Variants in DCC observed in about 807,000 individuals in gnomAD.
DCC encodes the protein DCC netrin 1 receptor.
DCC carries 58 observed loss-of-function variants against 172.5 expected under a neutral mutation model. The ratio of observed to expected loss-of-function variants is 0.34; its 90% CI spans 0.27 to 0.42. DCC has a LOEUF of 0.42. Ranked by LOEUF, DCC falls within the 10% of genes least tolerant of loss-of-function variation. The pLI, the probability that DCC is intolerant of heterozygous loss-of-function variation, is 1.00. For synonymous variants in DCC, 709 were observed against 644.5 expected (o/e 1.10, Z -1.52); for missense variants, 1,740 against 1,791.0 (o/e 0.97, Z 0.51).
At chr18:52,467,059 T>A (rs913189314) in intron 1 of DCC, among the ~76,000 whole-genome samples, 9 of 151,436 alleles carry the variant, frequency 5.9e-5, no homozygotes, top group Non-Finnish European at 8.8e-5. Flanking sequence ...AAAAAATATA[T>A]ATATATATTT....
intron 5 of DCC, among the ~76,000 whole-genome samples, chr18:52,970,175 A>C (rs931790328): frequency 6.6e-6 from 1 of 152,116 alleles, no homozygotes; most frequent in Non-Finnish European, 1.5e-5. Context: ...CTGTTTTACT[A>C]TTAGGAATAG....
intron 1 of DCC, among the ~76,000 whole-genome samples, chr18:52,536,122 T>C (rs1185952530): frequency 6.6e-6 from 1 of 151,762 alleles, no homozygotes; most frequent in Non-Finnish European, 1.5e-5. Flanking sequence ...GGCTAGAAAG[T>C]AGAGGAAGGG....
chr18:53,528,173 T>A (rs1484138780), intron 28 of DCC, among the ~76,000 whole-genome samples: 1 of 152,146 alleles, frequency 6.6e-6, no homozygotes. Flanking sequence ...AAACAAAGAA[T>A]CATTTCATTT....
At chr18:53,115,843 T>C (rs1477151552) in intron 7 of DCC, among the ~76,000 whole-genome samples, 11 of 151,670 alleles carry the variant, frequency 7.3e-5, no homozygotes, top group African/African-American at 2.7e-4. Flanking sequence ...AAAAATTTTC[T>C]TTAAGACGAA....
chr18:52,558,707 T>C (rs1459088540), intron 1 of DCC, among the ~76,000 whole-genome samples: 1 of 152,140 alleles, frequency 6.6e-6, no homozygotes, highest in African/African-American at 2.4e-5. Context: ...TCCTCAGTCC[T>C]GGATTAATTA....
Position 52,824,071 on chromosome 18 carries a change from G to A in DCC, c.412+71697G>A, listed in dbSNP as rs79454078. ...CAGAAAGGGTGAATTGCAACTCCAT[G>A]GCCAGTTGGTATCTTTCCATTTAAA... On this transcript the variant is annotated intron_variant, in intron 2 of 28. Transcript: ENST00000442544. 2.7e-4 allele frequency among the ~76,000 whole-genome samples: 41 copies of A among 152,254 alleles called. 1 individual carries two copies. The East Asian group carries it at 7.7e-3, about 29-fold the overall frequency.
In DCC at chr18:52,975,155, G is replaced by A. The variant is rs190632234; in HGVS notation, c.985+49785G>A. Among the ~76,000 whole-genome samples the A allele has an allele frequency of 1.2e-4, 19 of 152,106 alleles. 1 individual carries two copies. The highest frequency in any genetic ancestry group is 3.4e-3 in the Middle Eastern group (1 of 294). On this transcript the variant is annotated intron_variant, in intron 5 of 28. Transcript: ENST00000442544. ...TAGAACATCACAAACTAGTAACCTC[G>A]ACCACATATAATTATCTTTTTACAG...
chr18:52,832,859 A>C (rs1174944099), intron 2 of DCC, among the ~76,000 whole-genome samples: 1 of 152,142 alleles, frequency 6.6e-6, no homozygotes, highest in Non-Finnish European at 1.5e-5. Flanking sequence ...TGTAGTAAGC[A>C]AGGCTAACTG....
intron 2 of DCC, among the ~76,000 whole-genome samples, chr18:52,851,190 A>G (rs1373974245): frequency 1.3e-5 from 2 of 152,094 alleles, no homozygotes; most frequent in Non-Finnish European, 2.9e-5. Flanking sequence ...GAAACTTACA[A>G]TATTTTTAGC....
At chr18:52,723,666 C>T (rs368713326) in intron 1 of DCC, among the ~76,000 whole-genome samples, 25 of 152,258 alleles carry the variant, frequency 1.6e-4, no homozygotes, top group African/African-American at 5.1e-4. Flanking sequence ...TTGGAATGTT[C>T]TGTCTGAGGC....
chr18:53,005,795 A>T (rs537156700), intron 5 of DCC, among the ~76,000 whole-genome samples: 5 of 152,286 alleles, frequency 3.3e-5, no homozygotes, highest in Admixed American at 2.0e-4. Flanking sequence ...GTTATTTTTC[A>T]TCCCTATCAT....
rs554677419 is a variant in DCC, at chr18:53,285,565, C to T, written c.1912-20013C>T. The stretch of plus-strand genomic sequence containing the variant: ...AAGTTTGCTGCAGGGGCACGACCCT[C>T]GTGGAGAACCTCTGCTAGGGCAGTG... On this transcript the variant is annotated intron_variant, in intron 12 of 28. Coordinates refer to ENST00000442544, the MANE Select transcript of DCC (RefSeq NM_005215.4). Among the ~76,000 whole-genome samples, 22 of 152,346 alleles carry T rather than the reference C, an allele frequency of 1.4e-4. No homozygotes were observed. The East Asian group carries it at 1.5e-3, about 11-fold the overall frequency.
chr18:53,020,150 T>A (rs1003131581), intron 5 of DCC, among the ~76,000 whole-genome samples: 6 of 152,260 alleles, frequency 3.9e-5, no homozygotes, highest in African/African-American at 1.4e-4. Flanking sequence ...CTAACCCTTC[T>A]ACCTTTTAAA....
At chr18:53,361,837 A>T (rs2144933640) in intron 15 of DCC, among the ~76,000 whole-genome samples, 1 of 152,242 alleles carries the variant, frequency 6.6e-6, no homozygotes, top group African/African-American at 2.4e-5. Context: ...TATTTTTTTT[A>T]AATGTAGAGC....
chr18:52,540,014 C>A (rs1054347958), intron 1 of DCC, among the ~76,000 whole-genome samples: 4 of 152,090 alleles, frequency 2.6e-5, no homozygotes, highest in African/African-American at 9.7e-5. Flanking sequence ...CTGGTTGTGC[C>A]ATGTGATGTT....
intron 8 of DCC, among the ~76,000 whole-genome samples, chr18:53,169,310 A>C (rs534806514): frequency 6.6e-6 from 1 of 152,360 alleles, no homozygotes; most frequent in East Asian, 1.9e-4. Flanking sequence ...TAGCATTCAC[A>C]AAAAATTAAC....
intron 1 of DCC, among the ~76,000 whole-genome samples, chr18:52,456,198 C>T (rs1370020657): frequency 6.6e-6 from 1 of 152,104 alleles, no homozygotes; most frequent in Admixed American, 6.6e-5. Context: ...AAGGATGAAG[C>T]TTCAGATATT....
chr18:53,081,068 A>G (rs929544948), intron 7 of DCC, among the ~76,000 whole-genome samples: 2 of 152,070 alleles, frequency 1.3e-5, no homozygotes, highest in Non-Finnish European at 2.9e-5. Flanking sequence ...GAATATATTG[A>G]TTTGATTAAT....
At chr18:52,909,499 T>C (rs1457901439) in intron 3 of DCC, among the ~76,000 whole-genome samples, 1 of 152,178 alleles carries the variant, frequency 6.6e-6, no homozygotes, top group Non-Finnish European at 1.5e-5. Context: ...AGTGTTTGAA[T>C]TTATGTGTGT....
Sources: allele counts gnomAD v4.1 joint callset (sites outside exome capture counted in the v4.1 genomes callset), GRCh38; gene constraint gnomAD v4.1.1; transcripts MANE v1.5; gene names NCBI Gene and HGNC (gene_info 2026-07-23, HGNC 2026-07-21).